CAMK2D: variants seen among roughly 807,000 people sequenced by gnomAD.
CAMK2D encodes the protein calcium/calmodulin-dependent protein kinase type II subunit delta.
A neutral mutation model predicts 84.0 loss-of-function variants in CAMK2D; 37 were observed. The observed-to-expected ratio is 0.44, with a 90% CI of 0.34 to 0.58. The LOEUF (loss-of-function observed/expected upper bound fraction) is 0.58. CAMK2D is among the 20% of genes least tolerant of loss of function. The pLI is 0.02. For missense variants in CAMK2D, 448 were observed against 652.5 expected (o/e 0.69, Z 3.41); for synonymous variants, 202 against 212.5 (o/e 0.95, Z 0.43).
chr4:113,686,430 C>T (rs931298743), intron 2 of CAMK2D, among the ~76,000 whole-genome samples: 6 of 152,174 alleles, frequency 3.9e-5, no homozygotes, highest in African/African-American at 1.4e-4. Context: ...CTTTTTATTT[C>T]TCTGCTTTGC....
chr4:113,722,741 T>C (rs567610549), intron 2 of CAMK2D, among the ~76,000 whole-genome samples: 4 of 152,046 alleles, frequency 2.6e-5, no homozygotes, highest in Non-Finnish European at 1.5e-5. Context: ...CTCTGCAGAG[T>C]TGAAACCTAG....
At chr4:113,735,389 C>T (rs541464657) in intron 2 of CAMK2D, among the ~76,000 whole-genome samples, 4 of 147,886 alleles carry the variant, frequency 2.7e-5, no homozygotes, top group South Asian at 2.1e-4. Context: ...GTGGGAGGAT[C>T]GCTTGAGCCC....
intron 2 of CAMK2D, among the ~76,000 whole-genome samples, chr4:113,693,130 T>C (rs1191592134): frequency 1.3e-5 from 2 of 152,142 alleles, no homozygotes; most frequent in Non-Finnish European, 2.9e-5. Context: ...GTCCATAGAA[T>C]GGAAGGCAAG....
intron 3 of CAMK2D, among the ~76,000 whole-genome samples, chr4:113,624,841 T>C (rs1245412763): frequency 1.3e-5 from 2 of 152,234 alleles, no homozygotes; most frequent in Non-Finnish European, 2.9e-5. Context: ...TTTAGACACA[T>C]GGTAACCTAT....
chr4:113,665,384 G>A (rs1195770120), intron 2 of CAMK2D, among the ~76,000 whole-genome samples: 1 of 152,164 alleles, frequency 6.6e-6, no homozygotes, highest in Non-Finnish European at 1.5e-5. Flanking sequence ...GAGTAGGCAG[G>A]TGAGGAGTGA....
intron 4 of CAMK2D, among the ~76,000 whole-genome samples, chr4:113,594,368 A>G (rs2098913585): frequency 6.6e-6 from 1 of 152,210 alleles, no homozygotes; most frequent in African/African-American, 2.4e-5. Flanking sequence ...CCACCTTTCA[A>G]TAAATAACAA....
intron 19 of CAMK2D, chr4:113,457,063 T>C (rs1296062298): frequency 1.7e-5 from 10 of 598,574 alleles, no homozygotes; most frequent in Non-Finnish European, 2.4e-5. Flanking sequence ...ACAAGTCCTC[T>C]AGATTTAACC....
At chr4:113,577,396 T>A (rs2098788438) in intron 4 of CAMK2D, among the ~76,000 whole-genome samples, 1 of 152,196 alleles carries the variant, frequency 6.6e-6, no homozygotes, top group East Asian at 1.9e-4. Context: ...CAATTACCCT[T>A]ATGTTGAATT....
chr4:113,494,488 T>A (rs1177525436), intron 16 of CAMK2D, among the ~76,000 whole-genome samples: 4 of 152,342 alleles, frequency 2.6e-5, no homozygotes, highest in African/African-American at 9.6e-5. Flanking sequence ...GAGGAGGCAG[T>A]CTGCCTGTTC....
At chr4:113,717,254 T>A (rs987512416) in intron 2 of CAMK2D, among the ~76,000 whole-genome samples, 8 of 152,148 alleles carry the variant, frequency 5.3e-5, no homozygotes, top group African/African-American at 1.9e-4. Flanking sequence ...TCTATTCATT[T>A]ATAAAATCAA....
intron 13 of CAMK2D, among the ~76,000 whole-genome samples, chr4:113,506,414 A>T (rs2098128066): frequency 6.6e-6 from 1 of 152,212 alleles, no homozygotes; most frequent in African/African-American, 2.4e-5. Flanking sequence ...AATTCTATAA[A>T]TGTTGTCATC....
intron 6 of CAMK2D, among the ~76,000 whole-genome samples, chr4:113,539,449 A>C (rs956807462): frequency 6.6e-6 from 1 of 152,258 alleles, no homozygotes; most frequent in Non-Finnish European, 1.5e-5. Flanking sequence ...CTGGTAAATA[A>C]CCTTTTAAAA....
chr4:113,637,475 C>T (rs1331080163), intron 3 of CAMK2D, among the ~76,000 whole-genome samples: 1 of 151,952 alleles, frequency 6.6e-6, no homozygotes, highest in African/African-American at 2.4e-5. Context: ...AGTTAAAGTC[C>T]CATTAGCAAG....
At chr4:113,566,705 C>G (rs954826382) in intron 4 of CAMK2D, among the ~76,000 whole-genome samples, 29 of 152,162 alleles carry the variant, frequency 1.9e-4, no homozygotes, top group African/African-American at 6.8e-4. Context: ...CACATTTTCT[C>G]AGGGCTGTAC....
At chr4:113,610,830 T>C (rs1202759675) in intron 3 of CAMK2D, among the ~76,000 whole-genome samples, 1 of 152,142 alleles carries the variant, frequency 6.6e-6, no homozygotes, top group African/African-American at 2.4e-5. Context: ...TATTTTATCT[T>C]TATTTACTAC....
At chr4:113,627,167 A>G (rs577398630) in intron 3 of CAMK2D, among the ~76,000 whole-genome samples, 110 of 152,294 alleles carry the variant, frequency 7.2e-4, no homozygotes, top group Non-Finnish European at 1.4e-3. Flanking sequence ...ACATTTGAAA[A>G]TAATGATATT....
intron 4 of CAMK2D, among the ~76,000 whole-genome samples, chr4:113,596,847 C>G (rs961347493): frequency 3.4e-5 from 5 of 148,584 alleles, no homozygotes; most frequent in African/African-American, 1.2e-4. Context: ...TGAGATGGAG[C>G]CTCGCTCTGT....
At chr4:113,542,490 C>G (rs1047159319) in intron 6 of CAMK2D, among the ~76,000 whole-genome samples, 4 of 149,694 alleles carry the variant, frequency 2.7e-5, no homozygotes, top group Admixed American at 2.7e-4. Flanking sequence ...CCGAGACGGG[C>G]GGATCACGAG....
At chr4:113,743,180 G>A (rs1228446946) in intron 2 of CAMK2D, among the ~76,000 whole-genome samples, 1 of 152,074 alleles carries the variant, frequency 6.6e-6, no homozygotes, top group Non-Finnish European at 1.5e-5. Context: ...GATGCAACTT[G>A]GAAGGAACAT....
Sources: allele counts gnomAD v4.1 joint callset (sites outside exome capture counted in the v4.1 genomes callset), GRCh38; gene constraint gnomAD v4.1.1; transcripts MANE v1.5; gene names NCBI Gene and HGNC (gene_info 2026-07-23, HGNC 2026-07-21).